Variants in FHIT observed in about 807,000 individuals in gnomAD.
The protein encoded by FHIT is bis(5'-adenosyl)-triphosphatase.
FHIT carries 19 observed loss-of-function variants against 17.9 expected under a neutral mutation model. The ratio of observed to expected loss-of-function variants is 1.06; its 90% CI spans 0.74 to 1.56. The LOEUF (loss-of-function observed/expected upper bound fraction) is 1.56. FHIT is among the 40% of genes most tolerant of loss of function. The pLI is 0.00. For missense variants in FHIT, 248 were observed against 189.2 expected (o/e 1.31, Z -1.82); for synonymous variants, 81 against 69.7 (o/e 1.16, Z -0.81).
chr3:60,417,242 G>C (rs1559896238), intron 5 of FHIT, among the ~76,000 whole-genome samples: 1 of 152,088 alleles, frequency 6.6e-6, no homozygotes, highest in Non-Finnish European at 1.5e-5. Context: ...ACATACAATT[G>C]TAAGAGATAC....
At chr3:60,590,449 T>G (rs1193252147) in intron 4 of FHIT, among the ~76,000 whole-genome samples, 1 of 152,074 alleles carries the variant, frequency 6.6e-6, no homozygotes, top group South Asian at 2.1e-4. Context: ...AGGATGTTAT[T>G]GATGTATTGT....
chr3:60,613,858 C>A (rs1359354854), intron 4 of FHIT, among the ~76,000 whole-genome samples: 1 of 152,038 alleles, frequency 6.6e-6, no homozygotes, highest in Non-Finnish European at 1.5e-5. Flanking sequence ...CTCCTGGATG[C>A]TACACAGCAG....
At chr3:60,285,138 T>G (rs961971119) in intron 5 of FHIT, among the ~76,000 whole-genome samples, 5 of 152,172 alleles carry the variant, frequency 3.3e-5, no homozygotes, top group African/African-American at 1.2e-4. Context: ...GCCCCTGGAT[T>G]GCACTGGTTT....
At chr3:61,070,259 T>C (rs1029766982) in intron 2 of FHIT, among the ~76,000 whole-genome samples, 12 of 152,244 alleles carry the variant, frequency 7.9e-5, no homozygotes, top group Non-Finnish European at 1.6e-4. Context: ...CTATTTGATG[T>C]GTGAAAGAAT....
intron 5 of FHIT, among the ~76,000 whole-genome samples, chr3:60,152,395 C>T (rs922282918): frequency 7.2e-5 from 11 of 152,156 alleles, no homozygotes; most frequent in African/African-American, 2.7e-4. Flanking sequence ...ATGCACTAAC[C>T]AGAGAGCAGA....
chr3:60,933,956 T>C (rs533006707), intron 3 of FHIT, among the ~76,000 whole-genome samples: 6 of 152,200 alleles, frequency 3.9e-5, no homozygotes, highest in Non-Finnish European at 8.8e-5. Context: ...ACCACTGTTT[T>C]AGCAGCTCTG....
chr3:60,097,756 C>T (rs1009283806), intron 5 of FHIT, among the ~76,000 whole-genome samples: 1 of 150,534 alleles, frequency 6.6e-6, no homozygotes, highest in African/African-American at 2.4e-5. Context: ...GGTACATGTG[C>T]ACAATGTGCA....
intron 4 of FHIT, among the ~76,000 whole-genome samples, chr3:60,628,018 A>G (rs2039338771): frequency 2.6e-5 from 4 of 151,912 alleles, no homozygotes; most frequent in Admixed American, 2.6e-4. Flanking sequence ...TGGTTTACTC[A>G]TTTTATAGTT....
intron 5 of FHIT, among the ~76,000 whole-genome samples, chr3:60,217,002 AAGG>A (rs563355775): frequency 6.6e-6 from 1 of 152,190 alleles, no homozygotes; most frequent in Non-Finnish European, 1.5e-5. Flanking sequence ...AAATGAGCAA[AAGG>A]AGGAGAAGTG....
At chr3:60,705,452 A>G (rs1404418662) in intron 4 of FHIT, among the ~76,000 whole-genome samples, 1 of 152,190 alleles carries the variant, frequency 6.6e-6, no homozygotes, top group Non-Finnish European at 1.5e-5. Flanking sequence ...CAAGAAAGAG[A>G]AAGATGATAG....
At chr3:60,121,367 C>T (rs538502207) in intron 5 of FHIT, among the ~76,000 whole-genome samples, 1 of 152,020 alleles carries the variant, frequency 6.6e-6, no homozygotes, top group Admixed American at 6.5e-5. Flanking sequence ...GTTTCAGTTA[C>T]CTGCAGTCAA....
intron 5 of FHIT, among the ~76,000 whole-genome samples, chr3:60,334,816 CAAAA>C (rs1245288943): frequency 6.6e-6 from 1 of 152,054 alleles, no homozygotes; most frequent in Non-Finnish European, 1.5e-5. Context: ...AACCAACAAA[CAAAA>C]AAACTATATA....
intron 8 of FHIT, among the ~76,000 whole-genome samples, chr3:59,753,391 G>C (rs1033463013): frequency 8.5e-5 from 13 of 152,172 alleles, no homozygotes; most frequent in African/African-American, 3.1e-4. Flanking sequence ...GTATGTCTCA[G>C]ATTTACATAT....
At chr3:60,283,448 G>C (rs905468804) in intron 5 of FHIT, among the ~76,000 whole-genome samples, 3 of 151,938 alleles carry the variant, frequency 2.0e-5, no homozygotes, top group African/African-American at 7.2e-5. Flanking sequence ...TCTAAAATAT[G>C]TAATTCAATG....
intron 5 of FHIT, among the ~76,000 whole-genome samples, chr3:60,145,729 C>T (rs6789183): frequency 6.6e-6 from 1 of 151,990 alleles, no homozygotes; most frequent in African/African-American, 2.4e-5. Flanking sequence ...ATCCTGGTCC[C>T]CTTTATCTAT....
intron 5 of FHIT, among the ~76,000 whole-genome samples, chr3:60,310,617 G>T (rs1708897858): frequency 6.6e-6 from 1 of 152,094 alleles, no homozygotes; most frequent in Admixed American, 6.6e-5. Context: ...GGAGCCTCCA[G>T]TCCAACCTAA....
At chr3:60,064,751 T>C (rs1224001298) in intron 5 of FHIT, among the ~76,000 whole-genome samples, 2 of 152,220 alleles carry the variant, frequency 1.3e-5, no homozygotes, top group Admixed American at 1.3e-4. Context: ...CCAGTTTTGT[T>C]TGTATTTTCA....
chr3:61,097,563 C>A (rs2035681163), intron 2 of FHIT, among the ~76,000 whole-genome samples: 1 of 152,154 alleles, frequency 6.6e-6, no homozygotes, highest in Non-Finnish European at 1.5e-5. Flanking sequence ...TTTACACTCC[C>A]ACCAACAGTG....
intron 8 of FHIT, among the ~76,000 whole-genome samples, chr3:59,765,066 G>A (rs1184283452): frequency 6.6e-6 from 1 of 152,130 alleles, no homozygotes; most frequent in South Asian, 2.1e-4. Flanking sequence ...TGCTTAAGAT[G>A]TACTGGAGAA....
Sources: allele counts gnomAD v4.1 joint callset (sites outside exome capture counted in the v4.1 genomes callset), GRCh38; gene constraint gnomAD v4.1.1; transcripts MANE v1.5; gene names NCBI Gene and HGNC (gene_info 2026-07-23, HGNC 2026-07-21).